GLRA2: variants seen among roughly 807,000 people sequenced by gnomAD.
GLRA2 encodes the protein glycine receptor alpha 2, also known as glycine receptor subunit alpha-2.
In GLRA2, 11 loss-of-function variants were observed where a neutral mutation model predicts 31.6. The ratio of observed to expected loss-of-function variants is 0.35; its 90% CI spans 0.22 to 0.58. The LOEUF is 0.58. Among genes scored for constraint, GLRA2 ranks in the 20% least tolerant of loss-of-function variants. The pLI is 0.84. For synonymous variants in GLRA2, 132 were observed against 134.0 expected (o/e 0.99, Z 0.10); for missense variants, 212 against 351.8 (o/e 0.60, Z 3.18).
rs979715112 is a variant in GLRA2 at position 14,730,112 on chromosome X, T to C, written c.1081-95T>C. 12 of 653,692 alleles carry C rather than the reference T, an allele frequency of 1.8e-5. No individual in the cohort carries two copies. The African/African-American group carries it at 2.2e-4, about 12-fold the overall frequency. 53.9% of individuals were successfully genotyped at this position (653,692 alleles called of 1,213,427 possible). ...AAAGCCTCCCACACCACCAGTTAAC[T>C]GTGATTTATCCTTTTACTTCTAAAG... is the stretch of plus-strand genomic sequence containing the variant. On this transcript the variant is annotated intron_variant, in intron 8 of 8. Coordinates refer to ENST00000218075, the MANE Select transcript of GLRA2 (RefSeq NM_002063.4).
the GLRA2 span, among the ~76,000 whole-genome samples, chrX:14,464,332 C>T: frequency 2.7e-5 from 3 of 111,586 alleles, no homozygotes; most frequent in African/African-American, 9.8e-5. Context: ...TTTAAGTCTT[C>T]ACTGCATTTG....
the GLRA2 span, among the ~76,000 whole-genome samples, chrX:14,516,939 G>T: frequency 8.9e-6 from 1 of 111,872 alleles, no homozygotes; most frequent in Non-Finnish European, 1.9e-5. Flanking sequence ...CCATGTAACA[G>T]CTAGAGAGAT....
the GLRA2 span, among the ~76,000 whole-genome samples, chrX:14,486,542 G>C: frequency 9.0e-6 from 1 of 111,556 alleles, no homozygotes; most frequent in Non-Finnish European, 1.9e-5. Flanking sequence ...ATTAATAAAA[G>C]TTAAGCAGGC....
chrX:14,505,029 C>T, the GLRA2 span, among the ~76,000 whole-genome samples: 1 of 111,800 alleles, frequency 8.9e-6, no homozygotes, highest in Admixed American at 9.5e-5. Flanking sequence ...GACACCCTGA[C>T]AGTGACATAT....
chrX:14,491,893 T>G, the GLRA2 span, among the ~76,000 whole-genome samples: 1 of 111,792 alleles, frequency 8.9e-6, no homozygotes, highest in Non-Finnish European at 1.9e-5. Context: ...AGCTGATCAT[T>G]GTGACTCATG....
intron 7 of GLRA2, among the ~76,000 whole-genome samples, chrX:14,679,427 TAAAAAAAAAAA>T (rs2091176759): frequency 1.9e-5 from 2 of 102,702 alleles, no homozygotes; most frequent in African/African-American, 7.1e-5. Context: ...TGATGATTGT[TAAAAAAAAAAA>T]GAAAAGAAAA....
chrX:14,558,617 A>C, intron 2 of GLRA2, among the ~76,000 whole-genome samples: 1 of 111,486 alleles, frequency 9.0e-6, no homozygotes, highest in Non-Finnish European at 1.9e-5. Flanking sequence ...AAACTGGAGA[A>C]ATCCACATCA....
Position 14,552,667 on chromosome X carries a change from C to A in GLRA2, c.202+20295C>A, listed in dbSNP as rs1374541234. Among the ~76,000 whole-genome samples, 12 of 111,688 alleles carry A rather than the reference C, an allele frequency of 1.1e-4. No homozygotes were observed. In the Admixed American group the frequency reaches 1.1e-3, roughly 11 times the overall value. On this transcript the variant is annotated intron_variant, in intron 2 of 8. Coordinates refer to ENST00000218075, the MANE Select transcript of GLRA2 (RefSeq NM_002063.4). The stretch of plus-strand genomic sequence containing the variant: ...AATGTTTTGAGAGGTATGCATCAAC[C>A]CAAGCCAATACCCCAAAAGACTCTT...
At chrX:14,665,916 G>T (rs916535330) in intron 7 of GLRA2, among the ~76,000 whole-genome samples, 26 of 112,133 alleles carry the variant, frequency 2.3e-4, no homozygotes, top group African/African-American at 6.1e-4. Flanking sequence ...TCCAGGCTTG[G>T]TTTTTCTCTT....
intron 4 of GLRA2, among the ~76,000 whole-genome samples, chrX:14,598,607 C>G (rs187218255): frequency 2.7e-5 from 3 of 112,048 alleles, no homozygotes; most frequent in Non-Finnish European, 5.6e-5. Context: ...AGCAACTTAG[C>G]GGAGGCACCA....
In GLRA2 at chrX:14,730,764, A is replaced by ACATTCAGACATGATATGCGCAT. The variant is rs1210827666; in HGVS notation, c.*299_*320dup. ...CTTTCAGTCAGACATGATATGCGCA[A>ACATTCAGACATGATATGCGCAT]CATTCAGACATGATATGCGCATCAT... On this transcript the variant is annotated 3_prime_UTR_variant, in exon 9 of 9. Transcript: ENST00000218075. The ACATTCAGACATGATATGCGCAT allele has an allele frequency of 2.4e-5, 7 of 290,790 alleles. No homozygotes were observed. Among genetic ancestry groups the ACATTCAGACATGATATGCGCAT allele is most frequent in the African/African-American group, 1.3e-4 (5 of 37,122 alleles). The allele number at this position is 290,790 out of a possible 1,213,427, so 24.0% of individuals were successfully genotyped here. A position where few individuals can be genotyped will look rare whatever the true frequency, so the allele number is the denominator to read the frequency against.
the GLRA2 span, among the ~76,000 whole-genome samples, chrX:14,465,614 A>C: frequency 8.9e-6 from 1 of 112,249 alleles, no homozygotes; most frequent in Non-Finnish European, 1.9e-5. Flanking sequence ...CTGGATTTAG[A>C]GAGACTGATA....
At chrX:14,624,957 G>A (rs1161911937) in intron 7 of GLRA2, among the ~76,000 whole-genome samples, 3 of 111,211 alleles carry the variant, frequency 2.7e-5, no homozygotes, top group African/African-American at 6.5e-5. Flanking sequence ...GGGTGTTAAA[G>A]TCTCCCATTA....
intron 4 of GLRA2, among the ~76,000 whole-genome samples, chrX:14,600,707 CTT>C (rs2090259946): frequency 9.1e-6 from 1 of 110,422 alleles, no homozygotes; most frequent in African/African-American, 3.3e-5. Context: ...AATTTACTCT[CTT>C]AGCAATTCTG....
chrX:14,578,411 TAAG>T (rs2089980143), intron 3 of GLRA2, among the ~76,000 whole-genome samples: 1 of 112,103 alleles, frequency 8.9e-6, no homozygotes, highest in Non-Finnish European at 1.9e-5. Context: ...TGTGTTACTC[TAAG>T]GAGTATTTTT....
chrX:14,591,423 G>C (rs956565836), intron 4 of GLRA2, among the ~76,000 whole-genome samples: 1 of 111,472 alleles, frequency 9.0e-6, no homozygotes, highest in African/African-American at 3.3e-5. Flanking sequence ...CCACTGGTGT[G>C]AGCCCAAGAG....
At chrX:14,720,793 A>G (rs2091854768) in intron 8 of GLRA2, among the ~76,000 whole-genome samples, 1 of 111,970 alleles carries the variant, frequency 8.9e-6, no homozygotes, top group African/African-American at 3.2e-5. Context: ...TTCATTTTAT[A>G]CTATCTTTGT....
intron 7 of GLRA2, among the ~76,000 whole-genome samples, chrX:14,625,653 T>C (rs1292366567): frequency 8.9e-6 from 1 of 111,794 alleles, no homozygotes; most frequent in Non-Finnish European, 1.9e-5. Flanking sequence ...AAAATTCTTT[T>C]CTTTAAGAAT....
Position 14,590,136 on chromosome X carries a change from A to G in GLRA2, c.494+8730A>G, listed in dbSNP as rs138139656. Among the ~76,000 whole-genome samples the G allele has an allele frequency of 4.2e-4, 47 of 111,602 alleles. No individual in the cohort carries two copies. In the East Asian group the frequency reaches 0.013, roughly 30 times the overall value. On this transcript the variant is annotated intron_variant, in intron 4 of 8. Transcript: ENST00000218075. Reference sequence around the variant, plus strand: ...TCTGACCTAAAACTTATTGGCACCTAAAACTTTATGGCATTGGAGGTGATT... The same window carrying G: ...TCTGACCTAAAACTTATTGGCACCTGAAACTTTATGGCATTGGAGGTGATT...
Sources: allele counts gnomAD v4.1 joint callset (sites outside exome capture counted in the v4.1 genomes callset), GRCh38; gene constraint gnomAD v4.1.1; transcripts MANE v1.5; gene names NCBI Gene and HGNC (gene_info 2026-07-23, HGNC 2026-07-21).